TBL1X: variants seen among roughly 807,000 people sequenced by gnomAD.
TBL1X encodes the protein transducin beta like 1 X-linked.
TBL1X carries 10 observed loss-of-function variants against 50.7 expected under a neutral mutation model. The ratio of observed to expected loss-of-function variants is 0.20; its 90% CI spans 0.12 to 0.33. The LOEUF (loss-of-function observed/expected upper bound fraction) is 0.33, where lower values mean the gene tolerates loss of function less well. Ranked by LOEUF, TBL1X falls within the 10% of genes least tolerant of loss-of-function variation. The pLI is 1.00. For synonymous variants in TBL1X, 190 were observed against 214.7 expected (o/e 0.88, Z 1.01); for missense variants, 340 against 504.4 (o/e 0.67, Z 3.12).
chrX:9,712,302 T>C (rs2083252368), intron 16 of TBL1X, among the ~76,000 whole-genome samples: 1 of 111,965 alleles, frequency 8.9e-6, no homozygotes, highest in African/African-American at 3.3e-5. Context: ...CACTTCAATT[T>C]TTCTTTTCTG....
At chrX:9,689,027 CGTG>C (rs2083080674) in intron 7 of TBL1X, among the ~76,000 whole-genome samples, 1 of 113,323 alleles carries the variant, frequency 8.8e-6, no homozygotes, top group African/African-American at 3.2e-5. Context: ...TGCGTGTGTG[CGTG>C]TGTGCGTGCA....
chrX:9,712,005 G>A (rs758117144), intron 16 of TBL1X, among the ~76,000 whole-genome samples: 9 of 109,955 alleles, frequency 8.2e-5, no homozygotes, highest in South Asian at 3.8e-4. Context: ...CGTGTCCACC[G>A]TAATCATGGC....
chrX:9,705,740 AAAAG>A (rs1369247919), intron 13 of TBL1X, among the ~76,000 whole-genome samples: 2 of 109,850 alleles, frequency 1.8e-5, no homozygotes, highest in Admixed American at 9.7e-5. Flanking sequence ...AAAAAAAAAA[AAAAG>A]AAAAGAAATT....
chrX:9,613,780 G>T (rs1256047913), intron 2 of TBL1X, among the ~76,000 whole-genome samples: 1 of 110,149 alleles, frequency 9.1e-6, no homozygotes, highest in African/African-American at 3.3e-5. Flanking sequence ...GAGGTCAGCA[G>T]TTCAAGACCA....
At chrX:9,470,076 G>T (rs766319608) in intron 1 of TBL1X, among the ~76,000 whole-genome samples, 14 of 112,458 alleles carry the variant, frequency 1.2e-4, no homozygotes, top group Non-Finnish European at 2.6e-4. Context: ...TGTTGAGGCT[G>T]CTAAAGCTTT....
At chrX:9,642,559 TC>T (rs1309141150) in intron 3 of TBL1X, among the ~76,000 whole-genome samples, 1 of 111,455 alleles carries the variant, frequency 9.0e-6, no homozygotes, top group Non-Finnish European at 1.9e-5. Context: ...TGAGGAATGT[TC>T]ACATTCAGGG....
intron 2 of TBL1X, among the ~76,000 whole-genome samples, chrX:9,576,756 T>C (rs1280357910): frequency 9.3e-6 from 1 of 107,083 alleles, no homozygotes; most frequent in Non-Finnish European, 1.9e-5. Context: ...CCCAGCACTT[T>C]GGGAGTCCAA....
chrX:9,524,978 C>T (rs1181254369), intron 2 of TBL1X, among the ~76,000 whole-genome samples: 1 of 111,552 alleles, frequency 9.0e-6, no homozygotes. Context: ...TCTTGAACTC[C>T]TGGGCTCCAG....
At chrX:9,474,870 GTTAT>G (rs924077737) in intron 1 of TBL1X, among the ~76,000 whole-genome samples, 3 of 112,347 alleles carry the variant, frequency 2.7e-5, no homozygotes, top group Non-Finnish European at 3.8e-5. Context: ...TTTAAATCTG[GTTAT>G]TTGTTTGTTT....
Position 9,688,068 on chromosome X carries a change from G to T in TBL1X, c.409G>T (p.Ala137Ser). ...CATAGAGTCCCTGTCACTGATAGACGCCGTGATGCCCGACGTGGTGCAGAC... is the reference window on the plus strand; with the variant it reads ...CATAGAGTCCCTGTCACTGATAGACTCCGTGATGCCCGACGTGGTGCAGAC... The part of the protein sequence containing the change: ...RPIESLSLID[A>S]VMPDVVQTRQ... Residue 137 changes from alanine (A) to serine (S), a missense_variant, in exon 7 of 18, where the codon GCC becomes TCC. By Grantham distance (99) the Ala-to-Ser change is moderately conservative (BLOSUM62 1). Around this residue, in one of 6 missense-constraint regions of TBL1X, gnomAD observed 99 missense variants for 93.3 expected, o/e 1.06. Transcript: ENST00000645353. The T allele has an allele frequency of 1.7e-6, 2 of 1,211,193 alleles. No individual in the cohort carries two copies. Among genetic ancestry groups the T allele is most frequent in the Non-Finnish European group, 2.2e-6 (2 of 895,159 alleles).
intron 2 of TBL1X, among the ~76,000 whole-genome samples, chrX:9,574,590 C>T (rs1257027452): frequency 1.8e-5 from 2 of 109,403 alleles, no homozygotes; most frequent in Admixed American, 9.8e-5. Flanking sequence ...GATTCACTAA[C>T]AAGAAGGAAG....
intron 5 of TBL1X, among the ~76,000 whole-genome samples, chrX:9,681,724 G>A (rs2083026833): frequency 8.9e-6 from 1 of 112,736 alleles, no homozygotes; most frequent in Non-Finnish European, 1.9e-5. Context: ...GCTGCATTCT[G>A]GTGCATTCAG....
intron 1 of TBL1X, among the ~76,000 whole-genome samples, chrX:9,487,316 C>G (rs951958346): frequency 9.0e-6 from 1 of 111,330 alleles, no homozygotes; most frequent in African/African-American, 3.3e-5. Flanking sequence ...TCCCCTTCTC[C>G]CCAGCCCCCC....
At chrX:9,691,435 CAAAAAAA>C in intron 7 of TBL1X, 137 bp from the exon 8 acceptor site, 3 of 357,863 alleles carry the variant, frequency 8.4e-6, no homozygotes, top group Non-Finnish European at 1.1e-5. Context: ...GATTCCGTCT[CAAAAAAA>C]AAAAAAAAAA....
intron 2 of TBL1X, among the ~76,000 whole-genome samples, chrX:9,525,960 A>C (rs1192647713): frequency 9.0e-6 from 1 of 110,940 alleles, no homozygotes; most frequent in Non-Finnish European, 1.9e-5. Flanking sequence ...ATCTAGCGCT[A>C]TTCTTGTGTC....
rs763296102 is a variant in TBL1X at position 9,691,449 on chromosome X, A to G, written c.617-130A>G. 139 of 708,090 alleles carry G rather than the reference A, an allele frequency of 2.0e-4. No individual in the cohort carries two copies. In the African/African-American group the frequency reaches 2.1e-3, roughly 11 times the overall value. The allele number at this position is 708,090 out of a possible 1,213,427, so 58.4% of individuals were successfully genotyped here. A position where few individuals can be genotyped will look rare whatever the true frequency, so the allele number is the denominator to read the frequency against. On this transcript the variant is annotated intron_variant, in intron 7 of 17. Coordinates refer to ENST00000645353, the MANE Select transcript of TBL1X (RefSeq NM_005647.4). ...AGATTCCGTCTCAAAAAAAAAAAAA[A>G]AAAAAGAAAAGGAATCATCAGAGGT...
intron 1 of TBL1X, among the ~76,000 whole-genome samples, chrX:9,500,134 A>G (rs2081992930): frequency 9.2e-6 from 1 of 108,632 alleles, no homozygotes; most frequent in Non-Finnish European, 1.9e-5. Flanking sequence ...AAAATTAGCC[A>G]GGCATGGTGG....
chrX:9,547,424 A>G, intron 2 of TBL1X, among the ~76,000 whole-genome samples: 1 of 111,164 alleles, frequency 9.0e-6, no homozygotes, highest in Middle Eastern at 4.7e-3. Context: ...GGTTCAAGCC[A>G]TTCTCCTGCC....
At chrX:9,610,165 G>C (rs371850332) in intron 2 of TBL1X, among the ~76,000 whole-genome samples, 17 of 112,133 alleles carry the variant, frequency 1.5e-4, no homozygotes, top group African/African-American at 5.5e-4. Context: ...GTTGTTGACT[G>C]TACCACTCTC....
Sources: allele counts gnomAD v4.1 joint callset (sites outside exome capture counted in the v4.1 genomes callset), GRCh38; gene constraint gnomAD v4.1.1; regional missense constraint gnomAD v4.1.1; transcripts MANE v1.5; gene names NCBI Gene and HGNC (gene_info 2026-07-23, HGNC 2026-07-21).